The following RNF130 variants were observed in gnomAD, a reference collection of about 807,000 sequenced individuals.
RNF130 encodes the protein ring finger protein 130.
A neutral mutation model predicts 44.6 loss-of-function variants in RNF130; 21 were observed. That is an observed-to-expected ratio of 0.47 (90% CI 0.33 to 0.68). The LOEUF is 0.68. Ranked by LOEUF, RNF130 falls within the 30% of genes least tolerant of loss-of-function variation. RNF130 has a pLI of 0.02. For missense variants in RNF130, 479 were observed against 560.6 expected (o/e 0.85, Z 1.47); for synonymous variants, 214 against 210.4 (o/e 1.02, Z -0.15).
rs537835723 is a variant in RNF130 at position 179,925,508 on chromosome 5, C to CATTT, written c.1151-5086_1151-5083dup. The stretch of plus-strand genomic sequence containing the variant: ...CATGGCTGGGTTTCTTCTGTTTTTT[C>CATTT]ATTTATTTATTTATTTATTTTATTA... On this transcript the variant is annotated intron_variant, in intron 7 of 7. Transcript: ENST00000522208. 2.4e-3 allele frequency among the ~76,000 whole-genome samples: 370 copies of CATTT among 152,028 alleles called. 1 individual carries two copies. The highest frequency in any genetic ancestry group is 3.3e-3 in the Non-Finnish European group (223 of 67,974).
At chr5:179,994,634 T>C (rs73348268) in intron 3 of RNF130, among the ~76,000 whole-genome samples, 17,378 of 152,178 alleles carry the variant, frequency 0.11, 2,163 homozygotes, top group African/African-American at 0.32. Flanking sequence ...CTTTCTCAAA[T>C]GCTGGTTACA....
At chr5:180,048,393 T>C (rs1193162761) in intron 1 of RNF130, among the ~76,000 whole-genome samples, 1 of 152,172 alleles carries the variant, frequency 6.6e-6, no homozygotes, top group African/African-American at 2.4e-5. Context: ...GGCTACAGGA[T>C]TAACCTCCGA....
intron 2 of RNF130, among the ~76,000 whole-genome samples, chr5:180,014,331 T>A (rs6871596): frequency 0.67 from 102,191 of 152,052 alleles, 34,676 homozygotes; most frequent in African/African-American, 0.76. Context: ...GAAACTTCTA[T>A]CAATCTATCA....
chr5:180,010,053 C>T (rs1270715806), intron 3 of RNF130, among the ~76,000 whole-genome samples: 1 of 151,910 alleles, frequency 6.6e-6, no homozygotes, highest in African/African-American at 2.4e-5. Context: ...CGAGACCATC[C>T]TGGCTAACAC....
intron 1 of RNF130, among the ~76,000 whole-genome samples, chr5:180,057,171 C>T (rs943897337): frequency 2.0e-5 from 3 of 152,216 alleles, no homozygotes; most frequent in African/African-American, 4.8e-5. Flanking sequence ...AACTTTCAGC[C>T]CAACTCCCAG....
intron 1 of RNF130, among the ~76,000 whole-genome samples, chr5:180,047,442 T>C (rs900322033): frequency 3.9e-5 from 6 of 152,330 alleles, no homozygotes; most frequent in Non-Finnish European, 7.3e-5. Flanking sequence ...GTGTTTAGTC[T>C]TATTGAAAAT....
intron 3 of RNF130, 141 bp from the exon 4 acceptor site, chr5:179,980,341 G>A: frequency 1.4e-6 from 1 of 694,474 alleles, no homozygotes; most frequent in South Asian, 2.1e-5. Context: ...TGATAAAATA[G>A]AAAAAATGGT....
In RNF130 at chr5:179,944,203, T is replaced by A. The variant is rs1373125779; in HGVS notation, c.1150+22603A>T. Among the ~76,000 whole-genome samples, 6 of 152,120 alleles carry A rather than the reference T, an allele frequency of 3.9e-5. No individual in the cohort carries two copies. The East Asian group carries it at 1.2e-3, about 29-fold the overall frequency. Reference sequence around the variant, plus strand: ...CCAGGCTGGTCTCGAACTCCTGACCTCGTGATCTGCCTGCCTTGGCCTCCC... The same window carrying A: ...CCAGGCTGGTCTCGAACTCCTGACCACGTGATCTGCCTGCCTTGGCCTCCC... On this transcript the variant is annotated intron_variant, in intron 7 of 7. Transcript: ENST00000522208.
At chr5:180,008,661 G>T (rs1341841481) in intron 3 of RNF130, among the ~76,000 whole-genome samples, 1 of 151,960 alleles carries the variant, frequency 6.6e-6, no homozygotes, top group Non-Finnish European at 1.5e-5. Flanking sequence ...GAGGTGCACA[G>T]ATCGCTTGAG....
At chr5:179,937,904 C>CTG (rs757837790) in intron 7 of RNF130, among the ~76,000 whole-genome samples, 10,996 of 118,976 alleles carry the variant, frequency 0.092, 618 homozygotes, top group Admixed American at 0.15. Context: ...TTCAATGAAT[C>CTG]TGTGTGTGTG....
Position 179,937,962 on chromosome 5 carries a change from G to C in RNF130, c.1151-17536C>G, listed in dbSNP as rs990781662. 1.9e-3 allele frequency among the ~76,000 whole-genome samples: 294 copies of C among 151,340 alleles called. 1 individual carries two copies. Among genetic ancestry groups the C allele is most frequent in the African/African-American group, 6.6e-3 (274 of 41,210 alleles). ...AGAGAGAGAGAGAGAGAGAGAGAGA[G>C]AGAGAGAGACAGAGACAGACAGGGT... On this transcript the variant is annotated intron_variant, in intron 7 of 7. Coordinates refer to the RNF130 transcript ENST00000522208.
At chr5:180,052,607 A>T (rs893113007) in intron 1 of RNF130, among the ~76,000 whole-genome samples, 11 of 152,364 alleles carry the variant, frequency 7.2e-5, no homozygotes, top group Middle Eastern at 3.4e-3. Context: ...GTAATGACAA[A>T]GACTGGGCTA....
intron 1 of RNF130, among the ~76,000 whole-genome samples, chr5:180,066,536 G>C (rs746521925): frequency 6.6e-6 from 1 of 152,112 alleles, no homozygotes; most frequent in Non-Finnish European, 1.5e-5. Context: ...TGTTTAAAAA[G>C]ATTTGTCTTA....
At chr5:179,979,239 A>G (rs1762778195) in intron 4 of RNF130, among the ~76,000 whole-genome samples, 2 of 151,448 alleles carry the variant, frequency 1.3e-5, no homozygotes. Flanking sequence ...TGCTGCTTCT[A>G]TTTTCTTAAG....
chr5:179,958,773 G>A (rs544745881), intron 8 of RNF130, among the ~76,000 whole-genome samples: 2 of 151,932 alleles, frequency 1.3e-5, no homozygotes, highest in African/African-American at 2.4e-5. Context: ...TGCAACCTTC[G>A]CCTCCCAGGT....
At chr5:179,984,139 T>C (rs987253907) in intron 3 of RNF130, among the ~76,000 whole-genome samples, 9 of 152,228 alleles carry the variant, frequency 5.9e-5, no homozygotes, top group African/African-American at 2.2e-4. Flanking sequence ...TCATGGAACC[T>C]TGTTAAATCT....
rs145743560 is a variant in RNF130, at chr5:179,927,931, A to G, written c.1151-7505T>C. Among the ~76,000 whole-genome samples the G allele has an allele frequency of 2.7e-3, 416 of 152,092 alleles. 1 individual carries two copies. The highest frequency in any genetic ancestry group is 9.8e-3 in the African/African-American group (406 of 41,484). The stretch of plus-strand genomic sequence containing the variant: ...TAATTTTATATAAATGGAAACAGGG[A>G]ATATATTCTTTTGTGTCTAGACTCT... On this transcript the variant is annotated intron_variant, in intron 7 of 7. Transcript: ENST00000522208.
intron 1 of RNF130, among the ~76,000 whole-genome samples, chr5:180,046,538 T>C (rs1764571869): frequency 6.6e-6 from 1 of 152,242 alleles, no homozygotes; most frequent in Non-Finnish European, 1.5e-5. Flanking sequence ...ATTGTCAGTC[T>C]GCTGCAGGGG....
chr5:179,913,809 T>G (rs1440908918), exon 8 of RNF130: 1 of 152,212 alleles, frequency 6.6e-6, no homozygotes, highest in Non-Finnish European at 1.5e-5. Flanking sequence ...TAGTGTGACC[T>G]CAAAACTCAG....
Sources: gnomAD v4.1 joint callset for allele counts (sites outside exome capture counted in the v4.1 genomes callset) on GRCh38, gnomAD v4.1.1 for gene constraint, MANE v1.5 for transcripts, NCBI Gene and HGNC (gene_info 2026-07-23, HGNC 2026-07-21) for gene names.